The following GPC6 variants were observed in gnomAD, a reference collection of about 807,000 sequenced individuals.
The protein encoded by GPC6 is glypican 6.
GPC6 carries 14 observed loss-of-function variants against 55.2 expected under a neutral mutation model. The ratio of observed to expected loss-of-function variants is 0.25; its 90% CI spans 0.17 to 0.40. The LOEUF is 0.40. Among genes scored for constraint, GPC6 ranks in the 10% least tolerant of loss-of-function variants. GPC6 has a pLI of 1.00. For missense variants in GPC6, 641 were observed against 708.5 expected (o/e 0.90, Z 1.08); for synonymous variants, 278 against 259.6 (o/e 1.07, Z -0.68).
chr13:94,156,852 A>G (rs1008691534), intron 4 of GPC6, among the ~76,000 whole-genome samples: 2 of 152,184 alleles, frequency 1.3e-5, no homozygotes, highest in African/African-American at 2.4e-5. Flanking sequence ...ATTGATAGCC[A>G]TGGTTCTAAG....
intron 3 of GPC6, among the ~76,000 whole-genome samples, chr13:93,977,627 TAAAA>T (rs2140401140): frequency 6.6e-6 from 1 of 152,080 alleles, no homozygotes; most frequent in East Asian, 1.9e-4. Flanking sequence ...AGATTTACTG[TAAAA>T]ACCTCTTGAG....
At chr13:94,012,801 A>T (rs1016955571) in intron 3 of GPC6, among the ~76,000 whole-genome samples, 23 of 152,232 alleles carry the variant, frequency 1.5e-4, no homozygotes, top group African/African-American at 5.3e-4. Flanking sequence ...CATTATAAGT[A>T]TGTAAATATT....
intron 4 of GPC6, among the ~76,000 whole-genome samples, chr13:94,098,810 C>T (rs1035181903): frequency 2.0e-5 from 3 of 152,032 alleles, no homozygotes; most frequent in African/African-American, 4.8e-5. Flanking sequence ...AAATATTTGA[C>T]GGGACAATAA....
At chr13:93,961,670 G>T (rs1683684690) in intron 3 of GPC6, among the ~76,000 whole-genome samples, 1 of 152,192 alleles carries the variant, frequency 6.6e-6, no homozygotes, top group Non-Finnish European at 1.5e-5. Flanking sequence ...TTTGTCATTA[G>T]CTTAGTAAAT....
At chr13:93,596,338 G>A (rs187607354) in intron 2 of GPC6, among the ~76,000 whole-genome samples, 168 of 152,202 alleles carry the variant, frequency 1.1e-3, no homozygotes, top group African/African-American at 3.8e-3. Flanking sequence ...GGACCAAGGA[G>A]GTGAGAGCAA....
chr13:93,792,991 G>A (rs549223922), intron 2 of GPC6, among the ~76,000 whole-genome samples: 4 of 152,130 alleles, frequency 2.6e-5, no homozygotes, highest in Non-Finnish European at 4.4e-5. Flanking sequence ...TCCATAAAAC[G>A]AGGAGTAGTA....
chr13:94,100,037 A>G (rs573643857), intron 4 of GPC6, among the ~76,000 whole-genome samples: 1 of 152,262 alleles, frequency 6.6e-6, no homozygotes, highest in Non-Finnish European at 1.5e-5. Context: ...AGGTGATGAA[A>G]TAGTCTGTAC....
chr13:93,952,894 TATAC>T (rs1475781125), intron 3 of GPC6, among the ~76,000 whole-genome samples: 9 of 147,132 alleles, frequency 6.1e-5, no homozygotes, highest in Non-Finnish European at 6.0e-5. Flanking sequence ...ATGTGTGATA[TATAC>T]GTGTATATAT....
chr13:93,663,918 A>G (rs955075239), intron 2 of GPC6, among the ~76,000 whole-genome samples: 4 of 152,226 alleles, frequency 2.6e-5, no homozygotes, highest in Non-Finnish European at 4.4e-5. Context: ...TTATTCTAAA[A>G]TTCTAGAGCT....
At position 93,313,275 on chromosome 13, in the gene GPC6, T is replaced by C. The variant is rs74110514; in HGVS notation, c.160+85659T>C. Reference sequence around the variant, plus strand: ...TAATAAAATCTTTGAAGCTTGAAACTGTAGAAATGAGGTAAATTTTTTTTT... The same window carrying C: ...TAATAAAATCTTTGAAGCTTGAAACCGTAGAAATGAGGTAAATTTTTTTTT... On this transcript the variant is annotated intron_variant, in intron 1 of 8. Transcript: ENST00000377047. Among the ~76,000 whole-genome samples, 540 of 129,862 alleles carry C rather than the reference T, an allele frequency of 4.2e-3. 3 individuals are homozygous for C. The highest frequency in any genetic ancestry group is 0.016 in the African/African-American group (510 of 32,424). The allele number at this position is 129,862 out of a possible 152,430, so 85.2% of individuals were successfully genotyped here.
intron 2 of GPC6, among the ~76,000 whole-genome samples, chr13:93,701,307 CACA>C (rs1169685881): frequency 6.6e-6 from 1 of 152,042 alleles, no homozygotes; most frequent in Non-Finnish European, 1.5e-5. Flanking sequence ...AATAATGTCA[CACA>C]ACATCATTGG....
chr13:93,437,127 G>A (rs933887050), intron 1 of GPC6, among the ~76,000 whole-genome samples: 9 of 152,044 alleles, frequency 5.9e-5, no homozygotes, highest in African/African-American at 1.7e-4. Context: ...ATATAAAAAA[G>A]CAAACTTATT....
intron 3 of GPC6, among the ~76,000 whole-genome samples, chr13:93,832,089 C>CAAAAAAAA (rs71207433): frequency 1.2e-4 from 1 of 8,536 alleles, no homozygotes; most frequent in Non-Finnish European, 1.9e-4. Context: ...GACTCCAACT[C>CAAAAAAAA]AAAAAAAAAA....
intron 5 of GPC6, among the ~76,000 whole-genome samples, chr13:94,289,898 G>C (rs1378820474): frequency 6.6e-6 from 1 of 152,172 alleles, no homozygotes; most frequent in Non-Finnish European, 1.5e-5. Flanking sequence ...TAAAATGGCA[G>C]TTCTCAAGTT....
intron 2 of GPC6, among the ~76,000 whole-genome samples, chr13:93,802,762 G>A (rs1250048857): frequency 6.6e-6 from 1 of 152,138 alleles, no homozygotes; most frequent in East Asian, 1.9e-4. Context: ...CTCTTGGACA[G>A]AGTTCAGTAA....
chr13:93,519,171 C>T (rs1052793135), intron 1 of GPC6, among the ~76,000 whole-genome samples: 1 of 152,040 alleles, frequency 6.6e-6, no homozygotes, highest in African/African-American at 2.4e-5. Flanking sequence ...CCTAAGGCAC[C>T]TACCAAAACT....
intron 6 of GPC6, among the ~76,000 whole-genome samples, chr13:94,377,014 T>C (rs1343778482): frequency 6.6e-6 from 1 of 151,876 alleles, no homozygotes; most frequent in Non-Finnish European, 1.5e-5. Flanking sequence ...AAGCTGAAAC[T>C]GGATCCCTTC....
intron 2 of GPC6, among the ~76,000 whole-genome samples, chr13:93,691,398 T>A (rs968542361): frequency 5.9e-5 from 9 of 151,622 alleles, no homozygotes; most frequent in East Asian, 1.9e-4. Context: ...TCCTATATAT[T>A]TTTTTTAAAT....
chr13:94,317,971 T>G (rs577425385), intron 6 of GPC6, among the ~76,000 whole-genome samples: 2 of 152,330 alleles, frequency 1.3e-5, no homozygotes, highest in East Asian at 3.9e-4. Flanking sequence ...TACCAAATTG[T>G]AGCCAAAGAA....
Sources: allele counts gnomAD v4.1 joint callset (sites outside exome capture counted in the v4.1 genomes callset), GRCh38; gene constraint gnomAD v4.1.1; transcripts MANE v1.5; gene names NCBI Gene and HGNC (gene_info 2026-07-23, HGNC 2026-07-21).